The following CFAP299 variants were observed in gnomAD, a reference collection of about 807,000 sequenced individuals.
CFAP299 encodes the protein cilia- and flagella-associated protein 299.
A neutral mutation model predicts 27.0 loss-of-function variants in CFAP299; 21 were observed. The observed-to-expected ratio is 0.78, with a 90% confidence interval of 0.55 to 1.12. The LOEUF is 1.12. Among genes scored for constraint, CFAP299 ranks in the 50% most tolerant of loss-of-function variants. The probability of loss-of-function intolerance (pLI) is 0.00; values close to 1 mark genes in which losing one functional copy is unlikely to be tolerated. For synonymous variants in CFAP299, 104 were observed against 98.1 expected, an observed-to-expected ratio of 1.06 and a Z score of -0.36; for missense variants, 310 against 276.6, an observed-to-expected ratio of 1.12 and a Z score of -0.86.
At position 80,728,756 on chromosome 4, in the gene CFAP299, T is replaced by C. The variant is rs187320500; in HGVS notation, c.334-141237T>C. The stretch of plus-strand genomic sequence containing the variant: ...CAAATTGAGGACTTGATAAGACAGT[T>C]ATCCTAACTGCGTGCTACCCAACCT... On this transcript the variant is annotated intron_variant, in intron 3 of 5. Coordinates refer to ENST00000358105, the MANE Select transcript of CFAP299 (RefSeq NM_152770.3). Among the ~76,000 whole-genome samples the C allele has an allele frequency of 3.7e-3, 568 of 152,304 alleles. 1 individual carries two copies. The highest frequency in any genetic ancestry group is 0.013 in the African/African-American group (529 of 41,570).
At chr4:80,769,396 C>T (rs1400428490) in intron 3 of CFAP299, among the ~76,000 whole-genome samples, 5 of 151,756 alleles carry the variant, frequency 3.3e-5, no homozygotes, top group Non-Finnish European at 7.4e-5. Flanking sequence ...TATATAATTC[C>T]TATTTATTTA....
At chr4:80,610,086 T>A (rs1192908261) in intron 3 of CFAP299, among the ~76,000 whole-genome samples, 2 of 151,762 alleles carry the variant, frequency 1.3e-5, no homozygotes, top group Non-Finnish European at 2.9e-5. Context: ...CTTATTTTAT[T>A]TTTATGCTTT....
intron 2 of CFAP299, chr4:80,387,688 G>T (rs1278619452): frequency 6.4e-7 from 1 of 1,573,932 alleles, no homozygotes; most frequent in Non-Finnish European, 8.7e-7. Context: ...CTGGGCAAAG[G>T]CATGGCCACA....
At chr4:80,963,447 A>AC (rs1054740633) in intron 5 of CFAP299, 70 bp from the exon 6 acceptor site, 20 of 891,426 alleles carry the variant, frequency 2.2e-5, no homozygotes, top group Non-Finnish European at 3.1e-5. Flanking sequence ...GCAAAAAAAT[A>AC]AAAAAAAAAT....
At chr4:80,771,857 G>T (rs1029795114) in intron 3 of CFAP299, among the ~76,000 whole-genome samples, 1 of 152,170 alleles carries the variant, frequency 6.6e-6, no homozygotes, top group Non-Finnish European at 1.5e-5. Flanking sequence ...ATCCCATTTT[G>T]ATAGAGCCTG....
At chr4:80,405,741 A>G (rs967432404) in intron 2 of CFAP299, among the ~76,000 whole-genome samples, 1 of 152,142 alleles carries the variant, frequency 6.6e-6, no homozygotes, top group African/African-American at 2.4e-5. Flanking sequence ...AAATATGCCA[A>G]CCGGCATACA....
chr4:80,690,490 A>AC (rs1366527926), intron 3 of CFAP299, among the ~76,000 whole-genome samples: 8 of 152,048 alleles, frequency 5.3e-5, no homozygotes, highest in Non-Finnish European at 8.8e-5. Context: ...GTTCTTTGAA[A>AC]CCAACGAGAA....
At chr4:80,328,143 G>A in the CFAP299 span, among the ~76,000 whole-genome samples, 1 of 151,992 alleles carries the variant, frequency 6.6e-6, no homozygotes, top group African/African-American at 2.4e-5. Context: ...AAGAGAACAG[G>A]GAAATGAGGA....
chr4:80,814,679 G>A (rs1206041141), intron 3 of CFAP299, among the ~76,000 whole-genome samples: 2 of 151,388 alleles, frequency 1.3e-5, no homozygotes, highest in East Asian at 3.9e-4. Flanking sequence ...CTTGCTTTCA[G>A]CTATTAATTT....
chr4:80,553,696 G>A (rs935941970), intron 2 of CFAP299, among the ~76,000 whole-genome samples: 1 of 152,032 alleles, frequency 6.6e-6, no homozygotes, highest in African/African-American at 2.4e-5. Flanking sequence ...TAGTCATTTT[G>A]ACTGGTGTAA....
intron 3 of CFAP299, among the ~76,000 whole-genome samples, chr4:80,772,655 C>T (rs1726287319): frequency 6.6e-6 from 1 of 151,998 alleles, no homozygotes; most frequent in Admixed American, 6.6e-5. Flanking sequence ...ATCAACCCGT[C>T]ATCTAGGTCT....
intron 3 of CFAP299, among the ~76,000 whole-genome samples, chr4:80,662,675 A>G (rs1740918359): frequency 6.6e-6 from 1 of 152,194 alleles, no homozygotes; most frequent in Non-Finnish European, 1.5e-5. Context: ...TTGGCAGTGT[A>G]GAGTAGATGC....
chr4:80,807,882 G>A (rs973352189), intron 3 of CFAP299, among the ~76,000 whole-genome samples: 14 of 152,004 alleles, frequency 9.2e-5, no homozygotes, highest in Admixed American at 8.5e-4. Flanking sequence ...TTAAAGGGCA[G>A]GGAGGAGGTA....
At chr4:80,612,085 T>C (rs1000420467) in intron 3 of CFAP299, among the ~76,000 whole-genome samples, 6 of 152,056 alleles carry the variant, frequency 3.9e-5, no homozygotes, top group Admixed American at 3.9e-4. Flanking sequence ...GCCATTTTTT[T>C]TTTGTAGATT....
At chr4:80,327,338 T>C in the CFAP299 span, among the ~76,000 whole-genome samples, 1 of 151,962 alleles carries the variant, frequency 6.6e-6, no homozygotes, top group Non-Finnish European at 1.5e-5. Context: ...AGAGTGGGAT[T>C]GAGGTAGCGT....
intron 2 of CFAP299, among the ~76,000 whole-genome samples, chr4:80,400,443 T>A (rs933268751): frequency 6.6e-6 from 1 of 152,168 alleles, no homozygotes; most frequent in Admixed American, 6.5e-5. Flanking sequence ...GGGGAGTTAA[T>A]TGAATCATGG....
At chr4:80,766,907 T>C (rs1177928507) in intron 3 of CFAP299, among the ~76,000 whole-genome samples, 1 of 152,214 alleles carries the variant, frequency 6.6e-6, no homozygotes, top group Non-Finnish European at 1.5e-5. Flanking sequence ...TTTATGTGTA[T>C]GTGTATGTAG....
intron 2 of CFAP299, among the ~76,000 whole-genome samples, chr4:80,564,751 A>G (rs1292814434): frequency 6.6e-6 from 1 of 152,002 alleles, no homozygotes; most frequent in African/African-American, 2.4e-5. Flanking sequence ...AGATGATGTA[A>G]TCTTATATTG....
chr4:80,871,735 C>A (rs533607341), intron 4 of CFAP299: 2 of 660,866 alleles, frequency 3.0e-6, no homozygotes, highest in Non-Finnish European at 3.7e-6. Context: ...CCTGCAAACA[C>A]TTCAGCATGG....
Sources: gnomAD v4.1 joint callset for allele counts (sites outside exome capture counted in the v4.1 genomes callset) on GRCh38, gnomAD v4.1.1 for gene constraint, MANE v1.5 for transcripts, NCBI Gene and HGNC (gene_info 2026-07-23, HGNC 2026-07-21) for gene names.